Variants in PPP1R14C observed in about 807,000 individuals in gnomAD.
PPP1R14C encodes the protein protein phosphatase 1 regulatory subunit 14C.
In PPP1R14C, 16 loss-of-function variants were observed where a neutral mutation model predicts 20.4. That is an observed-to-expected ratio of 0.78 (90% CI 0.53 to 1.19). The LOEUF is 1.19. PPP1R14C is among the 50% of genes most tolerant of loss of function. The pLI, the probability that PPP1R14C is intolerant of heterozygous loss-of-function variation, is 0.00. For missense variants in PPP1R14C, 211 were observed against 220.1 expected, an observed-to-expected ratio of 0.96 and a Z score of 0.26; for synonymous variants, 91 against 91.0, an observed-to-expected ratio of 1.00 and a Z score of 0.00.
intron 1 of PPP1R14C, 27 bp from the exon 2 acceptor site, chr6:150,214,717 C>T (rs1778068507): frequency 6.4e-7 from 1 of 1,573,262 alleles, no homozygotes; most frequent in African/African-American, 1.4e-5. Context: ...AAATTAAATG[C>T]CTTCATATCC....
intron 1 of PPP1R14C, among the ~76,000 whole-genome samples, chr6:150,199,877 A>AG (rs975371029): frequency 2.0e-5 from 3 of 151,556 alleles, no homozygotes; most frequent in Non-Finnish European, 4.4e-5. Context: ...TCTAAAAAAA[A>AG]AAAAAATCTG....
At chr6:150,155,930 C>T (rs1045905825) in intron 1 of PPP1R14C, among the ~76,000 whole-genome samples, 3 of 138,638 alleles carry the variant, frequency 2.2e-5, no homozygotes, top group Non-Finnish European at 4.5e-5. Context: ...GAGGCTGAGG[C>T]AAGAGAATCG....
chr6:150,173,613 T>C (rs1228517961), intron 1 of PPP1R14C, among the ~76,000 whole-genome samples: 2 of 152,228 alleles, frequency 1.3e-5, no homozygotes, highest in Non-Finnish European at 2.9e-5. Context: ...GTGGGTCTCT[T>C]GGCAGACAGA....
At chr6:150,190,283 T>A (rs548343405) in intron 1 of PPP1R14C, among the ~76,000 whole-genome samples, 1 of 152,174 alleles carries the variant, frequency 6.6e-6, no homozygotes, top group African/African-American at 2.4e-5. Context: ...AAGCTCAGCC[T>A]TAGTATGCCC....
At position 150,143,466 on chromosome 6, in the gene PPP1R14C, GT is replaced by G; in HGVS notation, c.275del (p.Val92GlyfsTer18). On this transcript the variant is annotated frameshift_variant, in exon 1 of 4. Coordinates refer to ENST00000361131, the MANE Select transcript of PPP1R14C (RefSeq NM_030949.3). LOFTEE classifies it high-confidence loss of function. This position sits in a 1 kb window ranked among gnomAD's most constrained non-coding sequence, Gnocchi z 5.6. Reference sequence around the variant, plus strand: ...GCGGCTGGTGCTGGAGGAATGGATCGTGGAGCAGCTGGGTCAGCTCTACGGC... The same window carrying G: ...GCGGCTGGTGCTGGAGGAATGGATCGGGAGCAGCTGGGTCAGCTCTACGGC... ...RKRLVLEEWI[V>X]EQLGQLYGCE... The G allele has an allele frequency of 4.4e-6, 7 of 1,606,184 alleles. No homozygotes were observed. Among genetic ancestry groups the G allele is most frequent in the Non-Finnish European group, 5.9e-6 (7 of 1,176,716 alleles).
intron 1 of PPP1R14C, among the ~76,000 whole-genome samples, chr6:150,203,420 A>C (rs535788210): frequency 6.6e-6 from 1 of 152,308 alleles, no homozygotes; most frequent in African/African-American, 2.4e-5. Context: ...TTATACTCCA[A>C]GTGCAGTGTG....
chr6:150,225,304 G>A (rs905230841), intron 3 of PPP1R14C, among the ~76,000 whole-genome samples: 5 of 152,086 alleles, frequency 3.3e-5, no homozygotes, highest in East Asian at 1.9e-4. Flanking sequence ...GGTAAGACTC[G>A]TACAAAGGTA....
At chr6:150,235,252 C>A (rs909537900) in intron 3 of PPP1R14C, among the ~76,000 whole-genome samples, 4 of 152,182 alleles carry the variant, frequency 2.6e-5, no homozygotes, top group African/African-American at 9.6e-5. Context: ...CCACACCCAG[C>A]CAATGTTTTA....
At chr6:150,204,687 G>C (rs757164824) in intron 1 of PPP1R14C, among the ~76,000 whole-genome samples, 4 of 152,182 alleles carry the variant, frequency 2.6e-5, no homozygotes, top group African/African-American at 9.6e-5. Flanking sequence ...TAGGGGATGC[G>C]TTACCCTGCC....
Position 150,240,582 on chromosome 6 carries a change from A to C in PPP1R14C, c.424-8164A>C, listed in dbSNP as rs185699126. On this transcript the variant is annotated intron_variant, in intron 3 of 3. Transcript: ENST00000361131. ...ATCAGAGGCTGAAGTGAATTTTCAA[A>C]GTTACACCCCTGTGCAGATGAAGGC... Among the ~76,000 whole-genome samples the C allele has an allele frequency of 2.0e-3, 311 of 152,306 alleles. 1 individual carries two copies. The highest frequency in any genetic ancestry group is 6.8e-3 in the Middle Eastern group (2 of 294).
rs534908706 is a variant in PPP1R14C, at chr6:150,151,385, T to C, written c.306+7887T>C. Among the ~76,000 whole-genome samples, 95 of 152,312 alleles carry C rather than the reference T, an allele frequency of 6.2e-4. 1 individual carries two copies. In the South Asian group the frequency reaches 0.019, roughly 30 times the overall value. ...CTTATCTCTTGCCTCCTCCTTGCTG[T>C]CACACCCAGGAGTCACAAAGTCTTG... is the stretch of plus-strand genomic sequence containing the variant. On this transcript the variant is annotated intron_variant, in intron 1 of 3. Coordinates refer to ENST00000361131, the MANE Select transcript of PPP1R14C (RefSeq NM_030949.3).
intron 1 of PPP1R14C, among the ~76,000 whole-genome samples, chr6:150,188,846 T>C (rs1222469199): frequency 6.6e-6 from 1 of 150,398 alleles, no homozygotes; most frequent in East Asian, 2.0e-4. Flanking sequence ...TTATTTTTAA[T>C]TTTTTAATTA....
intron 1 of PPP1R14C, among the ~76,000 whole-genome samples, chr6:150,204,450 C>A (rs373999964): frequency 2.0e-5 from 3 of 152,228 alleles, no homozygotes; most frequent in East Asian, 1.9e-4. Context: ...CTTCACTTAA[C>A]GATTTTCAGG....
At position 150,143,550 on chromosome 6, in the gene PPP1R14C, C is replaced by T. The variant is rs775809527; in HGVS notation, c.306+52C>T. ...CGGGGACCTCTCTAGCTCCTCTGTG[C>T]CCGCGCAGTAATTTTCCCGGGCTCC... On this transcript the variant is annotated intron_variant, in intron 1 of 3. Transcript: ENST00000361131. The surrounding 1 kb of genome is among the most constrained non-coding windows in gnomAD (Gnocchi z 5.6). The T allele has an allele frequency of 3.9e-6, 5 of 1,294,394 alleles. No homozygotes were observed. The highest frequency in any genetic ancestry group is 2.7e-5 in the South Asian group (2 of 73,492). 80.2% of individuals were successfully genotyped at this position (1,294,394 alleles called of 1,614,324 possible).
intron 1 of PPP1R14C, among the ~76,000 whole-genome samples, chr6:150,186,699 G>T (rs1777680530): frequency 2.0e-5 from 3 of 152,196 alleles, no homozygotes; most frequent in Non-Finnish European, 4.4e-5. Flanking sequence ...TGAGGCGGGG[G>T]ATGACCTGAA....
intron 3 of PPP1R14C, among the ~76,000 whole-genome samples, chr6:150,242,750 G>A (rs926854009): frequency 6.6e-5 from 10 of 152,144 alleles, no homozygotes; most frequent in Non-Finnish European, 1.3e-4. Flanking sequence ...TAAATAGGAA[G>A]AAGTAAAATT....
rs73782241 is a variant in PPP1R14C at position 150,185,775 on chromosome 6, G to C, written c.307-28969G>C. The stretch of plus-strand genomic sequence containing the variant: ...AACCGAGCAAGTCATATTCTCACTC[G>C]TGCTGTGTAGCTTATATTGGCTGAT... On this transcript the variant is annotated intron_variant, in intron 1 of 3. Coordinates refer to ENST00000361131, the MANE Select transcript of PPP1R14C (RefSeq NM_030949.3). This position sits in a 1 kb window ranked among gnomAD's most constrained non-coding sequence, Gnocchi z 4.1. Among the ~76,000 whole-genome samples, 3 of 152,058 alleles carry C rather than the reference G, an allele frequency of 2.0e-5. No homozygotes were observed. Among genetic ancestry groups the C allele is most frequent in the African/African-American group, 7.2e-5 (3 of 41,388 alleles).
rs753485051 is a variant in PPP1R14C at position 150,143,360 on chromosome 6, A to T, written c.168A>T (p.Ala56=). Residue 56 remains alanine (A), a synonymous_variant, in exon 1 of 4, where the codon GCA becomes GCT. Transcript: ENST00000361131. This position sits in a 1 kb window ranked among gnomAD's most constrained non-coding sequence, Gnocchi z 5.6. ...DSAPVATAAA[A]GQVQQQQQRR... ...CGCCCGTGGCCACGGCGGCCGCTGC[A>T]GGGCAGGTTCAGCAGCAACAGCAGC... The T allele has an allele frequency of 6.2e-7, 1 of 1,608,600 alleles. No homozygotes were observed. The highest frequency in any genetic ancestry group is 1.1e-5 in the South Asian group (1 of 90,334).
At chr6:150,219,813 G>A (rs1778144942) in intron 3 of PPP1R14C, among the ~76,000 whole-genome samples, 1 of 152,004 alleles carries the variant, frequency 6.6e-6, no homozygotes, top group South Asian at 2.1e-4. Context: ...TTTAATATGG[G>A]GAGACAGTAA....
Sources: allele counts gnomAD v4.1 joint callset (sites outside exome capture counted in the v4.1 genomes callset), GRCh38; gene constraint gnomAD v4.1.1; non-coding constraint Gnocchi (gnomAD v3.1); transcripts MANE v1.5; gene names NCBI Gene and HGNC (gene_info 2026-07-23, HGNC 2026-07-21).